Variants in VKORC1L1 observed in about 807,000 individuals in gnomAD.
The protein encoded by VKORC1L1 is vitamin K epoxide reductase complex subunit 1-like protein 1.
Under a neutral mutation model 18.9 loss-of-function variants are expected in VKORC1L1, and 2 were observed. That is an observed-to-expected ratio of 0.11 (90% CI 0.04 to 0.33). The LOEUF is 0.33. VKORC1L1 is among the 10% of genes least tolerant of loss of function. The pLI, the probability that VKORC1L1 is intolerant of heterozygous loss-of-function variation, is 1.00. For synonymous variants in VKORC1L1, 96 were observed against 100.0 expected (o/e 0.96, Z 0.24); for missense variants, 123 against 224.1 (o/e 0.55, Z 2.88).
At position 65,957,824 on chromosome 7, in the gene VKORC1L1, C is replaced by G. The variant is rs749657092; in HGVS notation, c.*3524C>G. The G allele has an allele frequency of 6.6e-6, 1 of 152,146 alleles. No individual in the cohort carries two copies. Among genetic ancestry groups the G allele is most frequent in the Non-Finnish European group, 1.5e-5 (1 of 68,038 alleles). The allele number at this position is 152,146 out of a possible 1,614,324, so 9.4% of individuals were successfully genotyped here. The stretch of plus-strand genomic sequence containing the variant: ...TCCAGCCTGGGCAATGAGTGAAACT[C>G]TGTCTCAAATAAAAAAATAAAAATA... On this transcript the variant is annotated 3_prime_UTR_variant, in exon 3 of 3. Transcript: ENST00000360768.
chr7:65,870,502 G>T (rs1788713607), upstream of VKORC1L1, among the ~76,000 whole-genome samples: 1 of 152,136 alleles, frequency 6.6e-6, no homozygotes, highest in Admixed American at 6.5e-5. Flanking sequence ...AATGTTGTTA[G>T]CAATTTAATT....
intron 1 of VKORC1L1, among the ~76,000 whole-genome samples, chr7:65,907,721 T>G (rs185789922): frequency 6.6e-6 from 1 of 152,302 alleles, no homozygotes; most frequent in Admixed American, 6.5e-5. Context: ...AGGCTAATGA[T>G]CTACAGATCT....
chr7:65,916,601 CTT>C (rs869187039), intron 1 of VKORC1L1, among the ~76,000 whole-genome samples: 9 of 143,466 alleles, frequency 6.3e-5, no homozygotes, highest in Non-Finnish European at 3.1e-5. Flanking sequence ...TAGGAAACAT[CTT>C]TTTTTTTTTT....
In VKORC1L1 at chr7:65,942,424, G is replaced by A. The variant is rs555722042; in HGVS notation, c.195-6247G>A. 4.3e-4 allele frequency among the ~76,000 whole-genome samples: 64 copies of A among 149,926 alleles called. No individual in the cohort carries two copies. In the South Asian group the frequency reaches 0.011, roughly 25 times the overall value. On this transcript the variant is annotated intron_variant, in intron 1 of 2. Coordinates refer to ENST00000360768, the MANE Select transcript of VKORC1L1 (RefSeq NM_173517.6). The stretch of plus-strand genomic sequence containing the variant: ...GGAAAATGGCATGAACCCGGGAGGC[G>A]GAGCTTGCAGTGAGCCAAGACCACG...
chr7:65,866,360 G>A, the VKORC1L1 span, among the ~76,000 whole-genome samples: 20 of 152,238 alleles, frequency 1.3e-4, no homozygotes, highest in African/African-American at 3.4e-4. Context: ...TCTTGTCCTC[G>A]CATAGTGAAG....
intron 1 of VKORC1L1, among the ~76,000 whole-genome samples, chr7:65,919,261 C>G (rs1211116219): frequency 6.6e-6 from 1 of 151,912 alleles, no homozygotes; most frequent in Non-Finnish European, 1.5e-5. Context: ...ATGGATTTAT[C>G]AAAGGTTACT....
chr7:65,927,368 T>A (rs1040563209), intron 1 of VKORC1L1, among the ~76,000 whole-genome samples: 1 of 152,158 alleles, frequency 6.6e-6, no homozygotes, highest in Non-Finnish European at 1.5e-5. Flanking sequence ...CAGAATTCAC[T>A]ATATGTAGGA....
At chr7:65,882,631 A>C (rs2116336147) in intron 1 of VKORC1L1, among the ~76,000 whole-genome samples, 1 of 152,260 alleles carries the variant, frequency 6.6e-6, no homozygotes, top group East Asian at 1.9e-4. Context: ...AAAGGATAAA[A>C]ATGTTATTGA....
chr7:65,923,247 C>T (rs1439534723), intron 1 of VKORC1L1, among the ~76,000 whole-genome samples: 1 of 151,964 alleles, frequency 6.6e-6, no homozygotes, highest in Non-Finnish European at 1.5e-5. Flanking sequence ...CAACAAATCA[C>T]AAAAATTAGC....
chr7:65,936,138 T>G (rs944030790), intron 1 of VKORC1L1, among the ~76,000 whole-genome samples: 2 of 150,034 alleles, frequency 1.3e-5, no homozygotes, highest in Non-Finnish European at 3.0e-5. Context: ...TAGTTTCCAT[T>G]TTTTTTTTTA....
chr7:65,876,755 C>T (rs2116321725), intron 1 of VKORC1L1, among the ~76,000 whole-genome samples: 1 of 152,238 alleles, frequency 6.6e-6, no homozygotes, highest in African/African-American at 2.4e-5. Flanking sequence ...CTTTTAACAC[C>T]TACTTAGGGC....
intron 1 of VKORC1L1, among the ~76,000 whole-genome samples, chr7:65,927,747 T>C (rs1315596825): frequency 6.6e-6 from 1 of 152,222 alleles, no homozygotes; most frequent in Non-Finnish European, 1.5e-5. Flanking sequence ...TGCATTTTAT[T>C]GTAGCCCACC....
chr7:65,874,425 T>G (rs989139052), intron 1 of VKORC1L1, among the ~76,000 whole-genome samples: 1 of 151,832 alleles, frequency 6.6e-6, no homozygotes, highest in Non-Finnish European at 1.5e-5. Context: ...CTCGAACTCC[T>G]GACCTCAGGT....
intron 1 of VKORC1L1, among the ~76,000 whole-genome samples, chr7:65,876,765 C>T (rs1788833858): frequency 6.6e-6 from 1 of 152,158 alleles, no homozygotes; most frequent in South Asian, 2.1e-4. Flanking sequence ...CTACTTAGGG[C>T]CTGGTGCAGT....
At chr7:65,883,907 G>A (rs1307826296) in intron 1 of VKORC1L1, among the ~76,000 whole-genome samples, 2 of 152,142 alleles carry the variant, frequency 1.3e-5, no homozygotes, top group African/African-American at 4.8e-5. Context: ...TTTGTAGTTA[G>A]CATCTCTAAC....
At chr7:65,920,634 A>G (rs1269003051) in intron 1 of VKORC1L1, among the ~76,000 whole-genome samples, 2 of 152,176 alleles carry the variant, frequency 1.3e-5, no homozygotes, top group Non-Finnish European at 2.9e-5. Context: ...GATCTGAAAG[A>G]TGAGAATTAA....
intron 1 of VKORC1L1, among the ~76,000 whole-genome samples, chr7:65,900,283 G>A (rs941178108): frequency 4.0e-5 from 6 of 151,786 alleles, no homozygotes; most frequent in Non-Finnish European, 4.4e-5. Flanking sequence ...TCAGCTACTC[G>A]GGAGGCTGAG....
rs1790302418 is a variant in VKORC1L1, at chr7:65,956,749, G to GA, written c.*2451dup. 6.6e-6 allele frequency: 1 copy of GA among 152,176 alleles called. No individual in the cohort carries two copies. The highest frequency in any genetic ancestry group is 2.1e-4 in the South Asian group (1 of 4,832). The allele number at this position is 152,176 out of a possible 1,614,324, so 9.4% of individuals were successfully genotyped here. A position where few individuals can be genotyped will look rare whatever the true frequency, so the allele number is the denominator to read the frequency against. On this transcript the variant is annotated 3_prime_UTR_variant, in exon 3 of 3. Coordinates refer to ENST00000360768, the MANE Select transcript of VKORC1L1 (RefSeq NM_173517.6). ...TCCGATTCTGCCCAGAAGAGGGGGG[G>GA]AATCACCAGTGTTACAAAATTAGAA...
intron 1 of VKORC1L1, among the ~76,000 whole-genome samples, chr7:65,930,240 A>G (rs1007158429): frequency 6.6e-6 from 1 of 152,208 alleles, no homozygotes; most frequent in African/African-American, 2.4e-5. Flanking sequence ...AGCTTGCTAT[A>G]GGAAGGTCAT....
Sources: gnomAD v4.1 joint callset for allele counts (sites outside exome capture counted in the v4.1 genomes callset) on GRCh38, gnomAD v4.1.1 for gene constraint, MANE v1.5 for transcripts, NCBI Gene and HGNC (gene_info 2026-07-23, HGNC 2026-07-21) for gene names.